The following PARD3B variants were observed in gnomAD, a reference collection of about 807,000 sequenced individuals.
The protein encoded by PARD3B is par-3 family cell polarity regulator beta.
A neutral mutation model predicts 130.2 loss-of-function variants in PARD3B; 103 were observed. The ratio of observed to expected loss-of-function variants is 0.79; its 90% CI spans 0.67 to 0.93. PARD3B has a LOEUF of 0.93. PARD3B is among the 40% of genes least tolerant of loss of function. PARD3B has a pLI of 0.00. For synonymous variants in PARD3B, 583 were observed against 553.2 expected (o/e 1.05, Z -0.76); for missense variants, 1,609 against 1,499.2 (o/e 1.07, Z -1.21).
rs944882323 is a variant in PARD3B, at chr2:205,054,178, C to T, written c.504+6488C>T. Among the ~76,000 whole-genome samples the T allele has an allele frequency of 2.6e-5, 4 of 151,886 alleles. No individual in the cohort carries two copies. In the East Asian group the frequency reaches 7.8e-4, roughly 30 times the overall value. On this transcript the variant is annotated intron_variant, in intron 4 of 22. Transcript: ENST00000406610. ...AAAACCTGAAGCCCAGTTTACTCTG[C>T]AGCAGAGTTTTTCACCATATCTCAG...
At position 205,118,981 on chromosome 2, in the gene PARD3B, A is replaced by G. The variant is rs200945731; in HGVS notation, c.741A>G (p.Leu247=). The G allele has an allele frequency of 2.7e-5, 44 of 1,612,856 alleles. No individual in the cohort carries two copies. The highest frequency in any genetic ancestry group is 3.3e-5 in the South Asian group (3 of 90,856). Residue 247 remains leucine (L), a synonymous_variant, in exon 7 of 23, where the codon CTA becomes CTG. Coordinates refer to ENST00000406610, the MANE Select transcript of PARD3B (RefSeq NM_001302769.2). ...EDNSRSKREG[L]FHENECIVKI... Reference sequence around the variant, plus strand: ...ACAGCAGGTCCAAGCGGGAGGGACTATTTCACGAAAATGAATGTATTGTAA... The same window carrying G: ...ACAGCAGGTCCAAGCGGGAGGGACTGTTTCACGAAAATGAATGTATTGTAA...
At chr2:205,106,236 C>G (rs1177820053) in intron 5 of PARD3B, among the ~76,000 whole-genome samples, 4 of 152,046 alleles carry the variant, frequency 2.6e-5, no homozygotes, top group African/African-American at 9.7e-5. Context: ...CAACCTCCGC[C>G]CCCCAGGTTC....
At position 205,178,256 on chromosome 2, in the gene PARD3B, C is replaced by A. The variant is rs530659285; in HGVS notation, c.1924+1679C>A. Among the ~76,000 whole-genome samples the A allele has an allele frequency of 3.0e-5, 4 of 135,000 alleles. No individual in the cohort carries two copies. In the South Asian group the frequency reaches 1.0e-3, roughly 35 times the overall value. The allele number at this position is 135,000 out of a possible 152,430, so 88.6% of individuals were successfully genotyped here. A position where few individuals can be genotyped will look rare whatever the true frequency, so the allele number is the denominator to read the frequency against. ...AAAAAAAAAGAAGAAGCTGACTTTA[C>A]TTAGTATACAGATAAAAAAAAAATA... is the stretch of plus-strand genomic sequence containing the variant. On this transcript the variant is annotated intron_variant, in intron 13 of 22. Transcript: ENST00000406610.
chr2:204,809,348 C>G (rs1265995250), intron 2 of PARD3B, among the ~76,000 whole-genome samples: 1 of 152,066 alleles, frequency 6.6e-6, no homozygotes, highest in Non-Finnish European at 1.5e-5. Flanking sequence ...GAAACCTTTG[C>G]CAGTTTCTAT....
chr2:205,335,892 A>G (rs2043296855), intron 18 of PARD3B, among the ~76,000 whole-genome samples: 2 of 152,198 alleles, frequency 1.3e-5, no homozygotes, highest in Admixed American at 1.3e-4. Flanking sequence ...CTCATTCACT[A>G]TCACGAGAAC....
rs749366323 is a variant in PARD3B, at chr2:205,121,683, T to G, written c.899T>G (p.Val300Gly). 5 of 1,614,158 alleles carry G rather than the reference T, an allele frequency of 3.1e-6. No homozygotes were observed. The highest frequency in any genetic ancestry group is 4.2e-6 in the Non-Finnish European group (5 of 1,180,022). Residue 300 changes from valine (V) to glycine (G), a missense_variant, in exon 8 of 23, where the codon GTC becomes GGC. Transcript: ENST00000406610. The surrounding 1 kb of genome is among the most constrained non-coding windows in gnomAD (Gnocchi z 5.0). ...PQNREQYEKS[V>G]IGSLNIFGNN... is the part of the protein sequence containing the mutation. Reference sequence around the variant, plus strand: ...AACCGTGAACAGTATGAAAAGTCAGTCATTGGCTCTCTTAACATTTTTGGT... The same window carrying G: ...AACCGTGAACAGTATGAAAAGTCAGGCATTGGCTCTCTTAACATTTTTGGT...
At chr2:205,190,310 C>T (rs1214797959) in intron 14 of PARD3B, among the ~76,000 whole-genome samples, 1 of 152,164 alleles carries the variant, frequency 6.6e-6, no homozygotes, top group African/African-American at 2.4e-5. Flanking sequence ...GATTCTCAGT[C>T]TGCCTTGAGC....
At chr2:205,139,607 A>G (rs1050417030) in intron 10 of PARD3B, among the ~76,000 whole-genome samples, 1 of 152,238 alleles carries the variant, frequency 6.6e-6, no homozygotes, top group African/African-American at 2.4e-5. Flanking sequence ...TTAAACAAAG[A>G]TGAAGGCTGC....
Position 204,890,439 on chromosome 2 carries a change from G to A in PARD3B, c.223-74713G>A, listed in dbSNP as rs2046404119. On this transcript the variant is annotated intron_variant, in intron 2 of 22. Coordinates refer to ENST00000406610, the MANE Select transcript of PARD3B (RefSeq NM_001302769.2). The surrounding 1 kb of genome is among the most constrained non-coding windows in gnomAD (Gnocchi z 4.9). ...CACATTCAAGGGTGGGAGTATCTCA[G>A]TTGATGAAATATATGCTTCTGACCA... Among the ~76,000 whole-genome samples, 7 of 152,136 alleles carry A rather than the reference G, an allele frequency of 4.6e-5. No homozygotes were observed. In the South Asian group the frequency reaches 1.4e-3, roughly 32 times the overall value.
intron 2 of PARD3B, among the ~76,000 whole-genome samples, chr2:204,749,916 T>G (rs939781241): frequency 5.3e-5 from 8 of 152,208 alleles, no homozygotes; most frequent in Admixed American, 4.6e-4. Flanking sequence ...GTGGAAAATA[T>G]TAAAGTAATT....
chr2:205,324,521 T>C (rs2105746318), intron 18 of PARD3B, among the ~76,000 whole-genome samples: 1 of 152,242 alleles, frequency 6.6e-6, no homozygotes, highest in African/African-American at 2.4e-5. Flanking sequence ...ATAAATAGAG[T>C]TGCAGGTTAA....
At chr2:205,172,732 TGGAGATCATTGTAA>T (rs1174928036) in intron 12 of PARD3B, among the ~76,000 whole-genome samples, 1 of 152,140 alleles carries the variant, frequency 6.6e-6, no homozygotes, top group Non-Finnish European at 1.5e-5. Flanking sequence ...ATGTTTAATG[TGGAGATCATTGTAA>T]TGCAGTCAGC....
At chr2:204,927,174 C>T (rs1316866674) in intron 2 of PARD3B, among the ~76,000 whole-genome samples, 1 of 152,134 alleles carries the variant, frequency 6.6e-6, no homozygotes, top group Non-Finnish European at 1.5e-5. Flanking sequence ...AGGACTAATG[C>T]AATGGACTGA....
rs1425751589 is a variant in PARD3B at position 205,056,903 on chromosome 2, ACACACACACACATATATATAT to A, written c.504+9214_504+9234del. On this transcript the variant is annotated intron_variant, in intron 4 of 22. Coordinates refer to ENST00000406610, the MANE Select transcript of PARD3B (RefSeq NM_001302769.2). ...GACACAAACACACACACACACACATACACACACACACATATATATATATATATATATTTGACATTCAGCTAT... is the reference window on the plus strand; with the variant it reads ...GACACAAACACACACACACACACATAATATATATATTTGACATTCAGCTAT... Among the ~76,000 whole-genome samples the A allele has an allele frequency of 2.2e-5, 3 of 135,334 alleles. No homozygotes were observed. The East Asian group carries it at 7.3e-4, about 33-fold the overall frequency. The allele number at this position is 135,334 out of a possible 152,430, so 88.8% of individuals were successfully genotyped here.
At chr2:205,154,585 A>G (rs2033988506) in intron 10 of PARD3B, among the ~76,000 whole-genome samples, 2 of 152,222 alleles carry the variant, frequency 1.3e-5, no homozygotes, top group African/African-American at 4.8e-5. Flanking sequence ...TACTATAAAG[A>G]CACATGCACA....
intron 2 of PARD3B, among the ~76,000 whole-genome samples, chr2:204,959,343 G>T (rs963409204): frequency 9.9e-5 from 15 of 152,156 alleles, no homozygotes; most frequent in Non-Finnish European, 1.9e-4. Context: ...ATTCCATTGT[G>T]TATATGTGCC....
intron 1 of PARD3B, among the ~76,000 whole-genome samples, chr2:204,658,266 T>C (rs1051055555): frequency 1.3e-5 from 2 of 151,806 alleles, no homozygotes; most frequent in African/African-American, 4.8e-5. Context: ...ACAGGTGGAG[T>C]GAGTTGCTTT....
rs750116989 is a variant in PARD3B, at chr2:205,300,503, G to A, written c.2186-27G>A. ...CACCACACTGCCCCATTAGAAGAGGGGTGACCTTTTGCCCTTTCTTTTCCA... is the reference window on the plus strand; with the variant it reads ...CACCACACTGCCCCATTAGAAGAGGAGTGACCTTTTGCCCTTTCTTTTCCA... On this transcript the variant is annotated intron_variant, in intron 16 of 22. Transcript: ENST00000406610. This position sits in a 1 kb window ranked among gnomAD's most constrained non-coding sequence, Gnocchi z 4.1. 8.3e-6 allele frequency: 13 copies of A among 1,574,794 alleles called. 1 individual carries two copies. The South Asian group carries it at 1.4e-4, about 17-fold the overall frequency.
At chr2:204,613,400 A>T (rs1248670237) in intron 1 of PARD3B, among the ~76,000 whole-genome samples, 1 of 152,032 alleles carries the variant, frequency 6.6e-6, no homozygotes, top group African/African-American at 2.4e-5. Flanking sequence ...GTGGGTTTTT[A>T]AACCATTTAT....
Sources: allele counts gnomAD v4.1 joint callset (sites outside exome capture counted in the v4.1 genomes callset), GRCh38; gene constraint gnomAD v4.1.1; non-coding constraint Gnocchi (gnomAD v3.1); transcripts MANE v1.5; gene names NCBI Gene and HGNC (gene_info 2026-07-23, HGNC 2026-07-21).